Variants in KATNAL2 observed in about 807,000 individuals in gnomAD.
KATNAL2 encodes katanin p60 ATPase-containing subunit A-like 2.
A neutral mutation model predicts 76.3 loss-of-function variants in KATNAL2; 52 were observed. The ratio of observed to expected loss-of-function variants is 0.68; its 90% CI spans 0.55 to 0.86. The LOEUF (loss-of-function observed/expected upper bound fraction) is 0.86. KATNAL2 is among the 40% of genes least tolerant of loss of function. The pLI is 0.00. For missense variants in KATNAL2, 660 were observed against 668.9 expected, an observed-to-expected ratio of 0.99 and a Z score of 0.15; for synonymous variants, 243 against 244.2, an observed-to-expected ratio of 1.00 and a Z score of 0.05.
chr18:47,062,091 A>T lies in KATNAL2; in HGVS notation c.550-881A>T, dbSNP rs1308912900. Among the ~76,000 whole-genome samples, 3 of 152,168 alleles carry T rather than the reference A, an allele frequency of 2.0e-5. No individual in the cohort carries two copies. The East Asian group carries it at 5.8e-4, about 29-fold the overall frequency. ...GACTAACAGAAGTGTTATAAGAATT[A>T]GAAGTAGGCTGGGTATGCTGGTTCG... On this transcript the variant is annotated intron_variant, in intron 8 of 17. Coordinates refer to ENST00000683218, the MANE Select transcript of KATNAL2 (RefSeq NM_001387690.1).
intron 15 of KATNAL2, among the ~76,000 whole-genome samples, chr18:47,094,534 A>C (rs2063143262): frequency 6.6e-6 from 1 of 152,170 alleles, no homozygotes; most frequent in Non-Finnish European, 1.5e-5. Flanking sequence ...TTGGCTGCCT[A>C]ATGTTTATGA....
rs143885265 is a variant in KATNAL2 at position 47,100,912 on chromosome 18, C to T, written c.1524C>T (p.Ala508=). The T allele has an allele frequency of 2.2e-5, 36 of 1,613,922 alleles. No individual in the cohort carries two copies. The highest frequency in any genetic ancestry group is 2.8e-5 in the Non-Finnish European group (33 of 1,180,018). ...TCCAGTTGGATATAGTAACCACTGC[C>T]GACTTTCTGGATGTGCTAACTCACA... ...PRIQLDIVTT[A]DFLDVLTHTK... is the part of the protein sequence containing the mutation. The change falls in exon 18 of 18, where the codon GCC becomes GCT. Residue 508 remains alanine (A), a synonymous_variant. Coordinates refer to ENST00000683218, the MANE Select transcript of KATNAL2 (RefSeq NM_001387690.1).
chr18:47,034,815 C>T, intron 3 of KATNAL2: 3 of 1,612,176 alleles, frequency 1.9e-6, no homozygotes, highest in Non-Finnish European at 2.5e-6. Context: ...CAGCTCTGGG[C>T]TCGCGACTGT....
At chr18:46,925,630 A>G (rs1246183904) in intron 1 of KATNAL2, among the ~76,000 whole-genome samples, 1 of 151,990 alleles carries the variant, frequency 6.6e-6, no homozygotes, top group Non-Finnish European at 1.5e-5. Context: ...CTCTTTTTCT[A>G]TTGATTGGAA....
chr18:47,033,222 G>T (rs750036911), intron 3 of KATNAL2: 1 of 1,613,964 alleles, frequency 6.2e-7, no homozygotes, highest in East Asian at 2.2e-5. Flanking sequence ...GAGTGTGGCT[G>T]CTTCCCGCGG....
At chr18:46,965,585 C>CCG (rs1555838902) in intron 3 of KATNAL2, among the ~76,000 whole-genome samples, 44 of 91,082 alleles carry the variant, frequency 4.8e-4, no homozygotes, top group Non-Finnish European at 7.6e-4. Context: ...ATCCCCGCCC[C>CCG]CCCCCCCCCG....
chr18:47,091,769 T>A (rs1048624814), intron 15 of KATNAL2, among the ~76,000 whole-genome samples: 1 of 152,214 alleles, frequency 6.6e-6, no homozygotes, highest in Non-Finnish European at 1.5e-5. Context: ...TGGAGGGTTC[T>A]GGACTTCCTT....
At chr18:47,040,139 C>G (rs926327038) in intron 3 of KATNAL2, among the ~76,000 whole-genome samples, 4 of 152,208 alleles carry the variant, frequency 2.6e-5, no homozygotes, top group African/African-American at 9.7e-5. Flanking sequence ...CCTGGTACAG[C>G]AGGGTGACTA....
intron 3 of KATNAL2, among the ~76,000 whole-genome samples, chr18:46,961,286 C>T (rs568806444): frequency 1.3e-3 from 74 of 55,700 alleles, no homozygotes; most frequent in African/African-American, 4.2e-3. Context: ...GTGGCAGGGG[C>T]GGTGGGGGTG....
chr18:46,939,714 G>C (rs1467447020), intron 1 of KATNAL2, among the ~76,000 whole-genome samples: 2 of 152,192 alleles, frequency 1.3e-5, no homozygotes, highest in Admixed American at 1.3e-4. Context: ...AGTTTGAGCT[G>C]ATTGATGTGT....
chr18:47,074,393 G>T (rs2062116754), intron 13 of KATNAL2, among the ~76,000 whole-genome samples: 1 of 152,124 alleles, frequency 6.6e-6, no homozygotes, highest in Non-Finnish European at 1.5e-5. Flanking sequence ...ATTCTGTGAT[G>T]GTTTGCTAGT....
Position 47,052,865 on chromosome 18 carries a change from C to T in KATNAL2, c.123-15C>T, listed in dbSNP as rs932872978. On this transcript the variant is annotated splice_polypyrimidine_tract_variant and intron_variant, in intron 4 of 17. Coordinates refer to ENST00000683218, the MANE Select transcript of KATNAL2 (RefSeq NM_001387690.1). ...CCTCAGTTAATTTCTTCTTTTTATT[C>T]TGTGAAACTGCCAGGTATATCGATA... The T allele has an allele frequency of 6.4e-7, 1 of 1,571,186 alleles. No individual in the cohort carries two copies. The highest frequency in any genetic ancestry group is 8.6e-7 in the Non-Finnish European group (1 of 1,162,224).
chr18:46,936,662 A>G (rs2059101661), intron 1 of KATNAL2, among the ~76,000 whole-genome samples: 1 of 152,138 alleles, frequency 6.6e-6, no homozygotes, highest in Non-Finnish European at 1.5e-5. Context: ...TACATATCCA[A>G]ATTTATGGGC....
At chr18:47,045,877 T>C (rs939188852) in intron 3 of KATNAL2, among the ~76,000 whole-genome samples, 1 of 152,228 alleles carries the variant, frequency 6.6e-6, no homozygotes, top group Non-Finnish European at 1.5e-5. Flanking sequence ...AGTGCACGGA[T>C]TCATCCAGTT....
At chr18:47,059,783 T>A (rs1295952472) in intron 8 of KATNAL2, 129 bp downstream of exon 8, 6 of 673,078 alleles carry the variant, frequency 8.9e-6, no homozygotes, top group East Asian at 5.8e-5. Flanking sequence ...GGCTGTGAGG[T>A]AAATGGAGAA....
rs377114031 is a variant in KATNAL2, at chr18:47,100,289, C to T, written c.1410C>T (p.Leu470=). 8.7e-6 allele frequency: 14 copies of T among 1,613,906 alleles called. No homozygotes were observed. The highest frequency in any genetic ancestry group is 2.7e-5 in the African/African-American group (2 of 74,886). Residue 470 remains leucine, a synonymous_variant, in exon 17 of 18, where the codon CTC becomes CTT. Transcript: ENST00000683218. ...GCTACTCAGGCTCAGATATTAAGCT[C>T]GTCTGCAGGGAAGCAGCCATGCGGC... The part of the protein sequence containing the change: ...TEGYSGSDIK[L]VCREAAMRPV...
chr18:47,090,171 A>T (rs2062939168), intron 15 of KATNAL2, among the ~76,000 whole-genome samples: 1 of 151,816 alleles, frequency 6.6e-6, no homozygotes, highest in East Asian at 1.9e-4. Flanking sequence ...CAGTGGCATG[A>T]TCTTGGCTCA....
rs2060655178 is a variant in KATNAL2, at chr18:47,034,435, G to C, written c.52-12022G>C. On this transcript the variant is annotated intron_variant, in intron 3 of 17. Transcript: ENST00000683218. ...CCCTTCCTTGTCTGTCTTGAAGTCC[G>C]AAGGCTGCCTGTCCCTGGCACTTGC... 8.7e-6 allele frequency: 14 copies of C among 1,614,114 alleles called. No homozygotes were observed. Among genetic ancestry groups the C allele is most frequent in the Non-Finnish European group, 1.2e-5 (14 of 1,180,030 alleles).
chr18:46,929,950 C>A (rs2058855065), intron 1 of KATNAL2, among the ~76,000 whole-genome samples: 1 of 151,476 alleles, frequency 6.6e-6, no homozygotes, highest in Non-Finnish European at 1.5e-5. Context: ...AATTTTTGTA[C>A]TTTTAGTGGA....
Sources: allele counts gnomAD v4.1 joint callset (sites outside exome capture counted in the v4.1 genomes callset), GRCh38; gene constraint gnomAD v4.1.1; transcripts MANE v1.5; gene names NCBI Gene and HGNC (gene_info 2026-07-23, HGNC 2026-07-21).